Variants in TXNIP observed in about 807,000 individuals in gnomAD.
TXNIP encodes thioredoxin interacting protein.
A neutral mutation model predicts 43.9 loss-of-function variants in TXNIP; 23 were observed. The observed-to-expected ratio is 0.52, with a 90% CI of 0.38 to 0.74. The LOEUF is 0.74. Ranked by LOEUF, TXNIP falls within the 30% of genes least tolerant of loss-of-function variation. The pLI is 0.00. For missense variants in TXNIP, 555 were observed against 485.4 expected (o/e 1.14, Z -1.35); for synonymous variants, 234 against 172.2 (o/e 1.36, Z -2.81).
Position 145,994,305 on chromosome 1 carries a change from G to A in TXNIP, c.964C>T (p.Leu322=), listed in dbSNP as rs782125277. 3 of 1,614,074 alleles carry A rather than the reference G, an allele frequency of 1.9e-6. No homozygotes were observed. The highest frequency in any genetic ancestry group is 1.7e-5 in the Admixed American group (1 of 60,004). The change falls in exon 6 of 8, where the codon CTG becomes TTG. Residue 322 remains leucine, a synonymous_variant. Transcript: ENST00000582401. ...CCTTCTGGGGTATCAGGGATGTTCA[G>A]ATCTACCCAACTCATCTCAGAGCTG... ...RTSSEMSWVD[L]NIPDTPEAPP... is the part of the protein sequence containing the mutation.
chr1:145,995,747 G>A (rs1245978052), intron 1 of TXNIP: 2 of 606,032 alleles, frequency 3.3e-6, no homozygotes, highest in Non-Finnish European at 5.8e-6. Flanking sequence ...CAAAGAATAA[G>A]CAACTTATGC....
rs1401415837 is a variant in TXNIP at position 145,995,228 on chromosome 1, A to G, written c.387T>C (p.Leu129=). ...GCVDYWVKAF[L]DRPSQPTQET... The stretch of plus-strand genomic sequence containing the variant: ...CTTGAGTTGGCTGGCTCGGGCGGTC[A>G]AGAAAAGCCTTCACCCAGTAGTCTA... The change falls in exon 3 of 8, where the codon CTT becomes CTC. Residue 129 remains leucine (L), a synonymous_variant. Coordinates refer to ENST00000582401, the MANE Select transcript of TXNIP (RefSeq NM_006472.6). 9.9e-6 allele frequency: 16 copies of G among 1,614,062 alleles called. No individual in the cohort carries two copies. The highest frequency in any genetic ancestry group is 1.3e-5 in the Non-Finnish European group (15 of 1,180,038).
At position 145,992,825 on chromosome 1, in the gene TXNIP, G is replaced by A. The variant is rs1212604008; in HGVS notation, c.*1026C>T. ...TTCTGATCACAGGGTTGGGCATCTT[G>A]ATCAAGAGTTCCTCCTTGGGTTTGA... On this transcript the variant is annotated 3_prime_UTR_variant, in exon 8 of 8. Coordinates refer to ENST00000582401, the MANE Select transcript of TXNIP (RefSeq NM_006472.6). The A allele has an allele frequency of 6.6e-6, 1 of 152,664 alleles. No homozygotes were observed. Among genetic ancestry groups the A allele is most frequent in the Non-Finnish European group, 1.5e-5 (1 of 68,066 alleles). The allele number at this position is 152,664 out of a possible 1,614,324, so 9.5% of individuals were successfully genotyped here.
Position 145,994,184 on chromosome 1 carries a change from G to A in TXNIP, c.989-17C>T. 1 of 1,613,724 alleles carries A rather than the reference G, an allele frequency of 6.2e-7. No individual in the cohort carries two copies. Among genetic ancestry groups the A allele is most frequent in the Non-Finnish European group, 8.5e-7 (1 of 1,179,822 alleles). On this transcript the variant is annotated splice_polypyrimidine_tract_variant and intron_variant, in intron 6 of 7. Coordinates refer to ENST00000582401, the MANE Select transcript of TXNIP (RefSeq NM_006472.6). ...AGGGAGGAGCTAGAAAAGAAAATATGGCCACATAAGAATCCTGCCCAAGAA... is the reference window on the plus strand; with the variant it reads ...AGGGAGGAGCTAGAAAAGAAAATATAGCCACATAAGAATCCTGCCCAAGAA...
chr1:145,995,951 G>A, intron 1 of TXNIP, 66 bp downstream of exon 1: 2 of 1,575,716 alleles, frequency 1.3e-6, no homozygotes, highest in Non-Finnish European at 1.7e-6. Flanking sequence ...TTTCGTACAG[G>A]TTTTGTGTAT....
chr1:145,993,773 G>C lies in TXNIP; in HGVS notation c.*78C>G. 3 of 1,547,368 alleles carry C rather than the reference G, an allele frequency of 1.9e-6. No homozygotes were observed. In the South Asian group the frequency reaches 3.4e-5, roughly 18 times the overall value. ...CACACTCCATTGCAGAGACTGTTGA[G>C]TCTCTGAAAAAGTGAGTGTCCAGGA... is the stretch of plus-strand genomic sequence containing the variant. On this transcript the variant is annotated 3_prime_UTR_variant, in exon 8 of 8. Coordinates refer to ENST00000582401, the MANE Select transcript of TXNIP (RefSeq NM_006472.6).
chr1:145,994,169 T>C lies in TXNIP; in HGVS notation c.989-2A>G. On this transcript the variant is annotated splice_acceptor_variant, in intron 6 of 7. Coordinates refer to ENST00000582401, the MANE Select transcript of TXNIP (RefSeq NM_006472.6). LOFTEE classifies it high-confidence loss of function. ...TGACATCCATATAGCAGGGAGGAGC[T>C]AGAAAAGAAAATATGGCCACATAAG... 6.2e-7 allele frequency: 1 copy of C among 1,613,850 alleles called. No homozygotes were observed. Among genetic ancestry groups the C allele is most frequent in the Non-Finnish European group, 8.5e-7 (1 of 1,179,910 alleles).
Position 145,993,773 on chromosome 1 carries a change from GTC to G in TXNIP, c.*76_*77del. The stretch of plus-strand genomic sequence containing the variant: ...CACACTCCATTGCAGAGACTGTTGA[GTC>G]TCTGAAAAAGTGAGTGTCCAGGAAG... On this transcript the variant is annotated 3_prime_UTR_variant, in exon 8 of 8. Coordinates refer to ENST00000582401, the MANE Select transcript of TXNIP (RefSeq NM_006472.6). 5 of 1,547,368 alleles carry G rather than the reference GTC, an allele frequency of 3.2e-6. 1 individual carries two copies. The highest frequency in any genetic ancestry group is 1.7e-5 in the Admixed American group (1 of 57,918).
In TXNIP at chr1:145,994,330, G is replaced by A. The variant is rs1192299035; in HGVS notation, c.939C>T (p.Thr313=). The change falls in exon 6 of 8, where the codon ACC becomes ACT. Residue 313 remains threonine (T), a synonymous_variant. Coordinates refer to ENST00000582401, the MANE Select transcript of TXNIP (RefSeq NM_006472.6). ...GATCTACCCAACTCATCTCAGAGCT[G>A]GTTCGGCTGGCCATGCTGGATGTTC... is the stretch of plus-strand genomic sequence containing the variant. ...SSRTSSMASR[T]SSEMSWVDLN... The A allele has an allele frequency of 1.2e-6, 2 of 1,614,224 alleles. No individual in the cohort carries two copies. The highest frequency in any genetic ancestry group is 1.7e-6 in the Non-Finnish European group (2 of 1,180,042).
At chr1:145,995,699 A>G in intron 1 of TXNIP, 1 of 618,562 alleles carries the variant, frequency 1.6e-6, no homozygotes, top group Non-Finnish European at 2.8e-6. Flanking sequence ...AGATTCACCC[A>G]GGACAGTTCT....
rs587704712 is a variant in TXNIP, at chr1:145,995,029, T to C, written c.474A>G (p.Ala158=). 1.2e-6 allele frequency: 2 copies of C among 1,614,042 alleles called. No individual in the cohort carries two copies. Among genetic ancestry groups the C allele is most frequent in the East Asian group, 4.5e-5 (2 of 44,886 alleles). The change falls in exon 4 of 8, where the codon GCA becomes GCG. Residue 158 remains alanine (A), a splice_region_variant and synonymous_variant. Transcript: ENST00000582401. ...TCTTTTCTTTTTTAGCAGACACAGG[T>C]GCCTATATAGAAGGGGATAAAAAGG... is the stretch of plus-strand genomic sequence containing the variant. ...LVDVNTPDLM[A]PVSAKKEKKV... is the part of the protein sequence containing the mutation.
At chr1:145,993,953 G>T (rs950853298) in intron 7 of TXNIP, 63 bp downstream of exon 7, 1 of 1,613,522 alleles carries the variant, frequency 6.2e-7, no homozygotes, top group African/African-American at 1.3e-5. Context: ...TTAGCAATCC[G>T]TCTAAGTCAA....
intron 2 of TXNIP, 55 bp downstream of exon 2, chr1:145,995,349 G>A: frequency 2.5e-6 from 4 of 1,610,064 alleles, no homozygotes; most frequent in East Asian, 2.2e-5. Flanking sequence ...GTGATCAAAG[G>A]AGGGCAAGAT....
chr1:145,993,681 C>A lies in TXNIP; in HGVS notation c.*170G>T. 1 of 696,736 alleles carries A rather than the reference C, an allele frequency of 1.4e-6. No individual in the cohort carries two copies. Among genetic ancestry groups the A allele is most frequent in the Non-Finnish European group, 2.4e-6 (1 of 422,702 alleles). 43.2% of individuals were successfully genotyped at this position (696,736 alleles called of 1,614,324 possible). A position where few individuals can be genotyped will look rare whatever the true frequency, so the allele number is the denominator to read the frequency against. On this transcript the variant is annotated 3_prime_UTR_variant, in exon 8 of 8. Coordinates refer to ENST00000582401, the MANE Select transcript of TXNIP (RefSeq NM_006472.6). ...CGCTGGCTGAGGATGAGTCCGCATC[C>A]TTTAAGGCCCAGGAGATTGCCTGCT...
At position 145,995,221 on chromosome 1, in the gene TXNIP, G is replaced by A. The variant is rs961757846; in HGVS notation, c.394C>T (p.Pro132Ser). 6.2e-6 allele frequency: 10 copies of A among 1,613,922 alleles called. No individual in the cohort carries two copies. The highest frequency in any genetic ancestry group is 2.7e-5 in the African/African-American group (2 of 74,868). Residue 132 changes from proline (P) to serine (S), a missense_variant, in exon 3 of 8, where the codon CCG (proline) becomes TCG (serine). Coordinates refer to ENST00000582401, the MANE Select transcript of TXNIP (RefSeq NM_006472.6). ...DYWVKAFLDR[P>S]SQPTQETKKN... ...TTTGTCTCTTGAGTTGGCTGGCTCG[G>A]GCGGTCAAGAAAAGCCTTCACCCAG...
In TXNIP at chr1:145,993,657, G is replaced by A. The variant is rs1316562673; in HGVS notation, c.*194C>T. ...AACACCCCTGTATCACAACATGGGC[G>A]CTGGCTGAGGATGAGTCCGCATCCT... On this transcript the variant is annotated 3_prime_UTR_variant, in exon 8 of 8. Transcript: ENST00000582401. 6.7e-5 allele frequency: 40 copies of A among 593,336 alleles called. No individual in the cohort carries two copies. Among genetic ancestry groups the A allele is most frequent in the African/African-American group, 9.3e-5 (5 of 53,720 alleles). 36.8% of individuals were successfully genotyped at this position (593,336 alleles called of 1,614,324 possible). A position where few individuals can be genotyped will look rare whatever the true frequency, so the allele number is the denominator to read the frequency against.
In TXNIP at chr1:145,995,437, TA is replaced by T; in HGVS notation, c.289del (p.Tyr97MetfsTer25). The T allele has an allele frequency of 6.2e-7, 1 of 1,614,178 alleles. No individual in the cohort carries two copies. The highest frequency in any genetic ancestry group is 8.5e-7 in the Non-Finnish European group (1 of 1,180,012). On this transcript the variant is annotated frameshift_variant, in exon 2 of 8. Coordinates refer to ENST00000582401, the MANE Select transcript of TXNIP (RefSeq NM_006472.6). LOFTEE classifies it high-confidence loss of function. The stretch of plus-strand genomic sequence containing the variant: ...AAGCTCAAAGCCGAACTTGTACTCA[TA>T]TTTGTTTCCAGGTCTCATGATCACC... Reference protein sequence around the residue: ...EMVIMRPGNKYEYKFGFELPQ... With the variant: ...EMVIMRPGNKXEYKFGFELPQ...
chr1:145,995,581 C>T, intron 1 of TXNIP, 105 bp from the exon 2 acceptor site: 1 of 928,226 alleles, frequency 1.1e-6, no homozygotes, highest in Non-Finnish European at 1.8e-6. Context: ...TGAAGTACCC[C>T]CAATTTCATC....
Position 145,994,652 on chromosome 1 carries a change from A to G in TXNIP, c.723T>C (p.His241=). 6.2e-7 allele frequency: 1 copy of G among 1,614,218 alleles called. No individual in the cohort carries two copies. The highest frequency in any genetic ancestry group is 8.5e-7 in the Non-Finnish European group (1 of 1,180,038). The change falls in exon 5 of 8, where the codon CAT becomes CAC. Residue 241 remains histidine (H), a synonymous_variant. Transcript: ENST00000582401. Reference sequence around the variant, plus strand: ...ATGATGCGCATGTCCCTGAGATAATATGATTGCCTCTGACTGATGACAACT... The same window carrying G: ...ATGATGCGCATGTCCCTGAGATAATGTGATTGCCTCTGACTGATGACAACT... ...TQKLSSVRGN[H]IISGTCASWR... is the part of the protein sequence containing the mutation.
Sources: gnomAD v4.1 joint callset for allele counts on GRCh38, gnomAD v4.1.1 for gene constraint, MANE v1.5 for transcripts, NCBI Gene and HGNC (gene_info 2026-07-23, HGNC 2026-07-21) for gene names.